Variants in KLC3 observed in about 807,000 individuals in gnomAD.
KLC3 encodes the protein kinesin light chain 3.
In KLC3, 72 loss-of-function variants were observed where a neutral mutation model predicts 62.9. The ratio of observed to expected loss-of-function variants is 1.15; its 90% CI spans 0.95 to 1.39. The LOEUF (loss-of-function observed/expected upper bound fraction) is 1.39, where lower values mean the gene tolerates loss of function less well. Among genes scored for constraint, KLC3 ranks in the 40% most tolerant of loss-of-function variants. The pLI is 0.00. For synonymous variants in KLC3, 377 were observed against 300.5 expected (o/e 1.25, Z -2.63); for missense variants, 848 against 691.6 (o/e 1.23, Z -2.54).
intron 8 of KLC3, 178 bp from the exon 9 acceptor site, chr19:45,350,163 T>C (rs926353079): frequency 5.0e-6 from 3 of 605,472 alleles, no homozygotes; most frequent in Non-Finnish European, 8.7e-6. Flanking sequence ...GGTTCACGCT[T>C]GTAACCCCAA....
intron 12 of KLC3, 56 bp from the exon 13 acceptor site, chr19:45,351,219 AGCTGGAGGGTG>A: frequency 6.3e-7 from 1 of 1,591,514 alleles, no homozygotes; most frequent in Non-Finnish European, 8.6e-7. Context: ...CTGGACCTGG[AGCTGGAGGGTG>A]GATGTAACAC....
chr19:45,346,464 T>C (rs1281708329), intron 2 of KLC3, 80 bp from the exon 3 acceptor site: 8 of 1,234,000 alleles, frequency 6.5e-6, no homozygotes, highest in South Asian at 6.0e-5. Context: ...TGCTACGGCC[T>C]GACTCGAGGC....
rs1019369820 is a variant in KLC3, at chr19:45,346,757, C to T, written c.472C>T (p.Pro158Ser). The T allele has an allele frequency of 4.4e-6, 7 of 1,582,668 alleles. No individual in the cohort carries two copies. The highest frequency in any genetic ancestry group is 6.0e-6 in the Non-Finnish European group (7 of 1,165,426). Reference protein sequence around the residue: ...EFLGQLRQYDPPAESQQSESP... With the variant: ...EFLGQLRQYDSPAESQQSESP... Reference sequence around the variant, plus strand: ...CCTGGGGCAGCTGCGACAGTACGACCCACCGGCGGAGAGCCAGGTGCCACG... The same window carrying T: ...CCTGGGGCAGCTGCGACAGTACGACTCACCGGCGGAGAGCCAGGTGCCACG... Residue 158 changes from proline (P) to serine (S), a missense_variant, in exon 3 of 13, where the codon CCA (proline) becomes TCA (serine). Pro to Ser is a moderately conservative substitution (Grantham distance 74). Coordinates refer to ENST00000391946, the MANE Select transcript of KLC3 (RefSeq NM_177417.3).
At chr19:45,346,826 C>G in intron 3 of KLC3, 52 bp downstream of exon 3, 1 of 1,470,438 alleles carries the variant, frequency 6.8e-7, no homozygotes, top group Non-Finnish European at 9.2e-7. Flanking sequence ...TAGAGCCCCA[C>G]AGTCCCCCAG....
chr19:45,349,551 G>A lies in KLC3; in HGVS notation c.1092G>A (p.Glu364=), dbSNP rs1340915120. The part of the protein sequence containing the change: ...RHYARALSIY[E]ALGGPHDPNV... ...ATGCCCGGGCCCTGAGCATCTATGA[G>A]GCACTGGGCGGGCCCCATGACCCCA... Residue 364 remains glutamate, a synonymous_variant, in exon 8 of 13, where the codon GAG becomes GAA. Coordinates refer to ENST00000391946, the MANE Select transcript of KLC3 (RefSeq NM_177417.3). 3.7e-6 allele frequency: 6 copies of A among 1,613,922 alleles called. No individual in the cohort carries two copies. The highest frequency in any genetic ancestry group is 5.1e-6 in the Non-Finnish European group (6 of 1,179,922).
rs778458894 is a variant in KLC3, at chr19:45,345,748, G to A, written c.207G>A (p.Gln69=). ...TGGAGATGCTGGAGGAAAAGCAGCA[G>A]GTGGTGAGCCACTCGCTGGAGGCCA... is the stretch of plus-strand genomic sequence containing the variant. ...AGLEMLEEKQ[Q]VVSHSLEAIE... is the part of the protein sequence containing the mutation. Residue 69 remains glutamine, a synonymous_variant, in exon 2 of 13, where the codon CAG becomes CAA. Coordinates refer to ENST00000391946, the MANE Select transcript of KLC3 (RefSeq NM_177417.3). 10 of 1,556,760 alleles carry A rather than the reference G, an allele frequency of 6.4e-6. No homozygotes were observed. The African/African-American group carries it at 1.4e-4, about 21-fold the overall frequency.
Position 45,350,983 on chromosome 19 carries a change from T to A in KLC3, c.1409T>A (p.Leu470Gln). Residue 470 changes from leucine to glutamine, a missense_variant, in exon 12 of 13, where the codon CTG (leucine) becomes CAG (glutamine). Coordinates refer to ENST00000391946, the MANE Select transcript of KLC3 (RefSeq NM_177417.3). ...AAGAGAGCCATGTCACTCAACACACTGAACGTGGATGCTCCAAGGGCTCCT... is the reference window on the plus strand; with the variant it reads ...AAGAGAGCCATGTCACTCAACACACAGAACGTGGATGCTCCAAGGGCTCCT... ...GMKRAMSLNT[L>Q]NVDAPRAPGT... 6.2e-7 allele frequency: 1 copy of A among 1,614,050 alleles called. No homozygotes were observed. The highest frequency in any genetic ancestry group is 8.5e-7 in the Non-Finnish European group (1 of 1,179,998).
chr19:45,341,578 T>TGTGTGTGCGCGCGCGCGCGC, intron 1 of KLC3, among the ~76,000 whole-genome samples: 1,461 of 139,652 alleles, frequency 0.01, 30 homozygotes, highest in Non-Finnish European at 0.018. Context: ...TGTGTGTGTG[T>TGTGTGTGCGCGCGCGCGCGC]GCGCGCGCGC....
chr19:45,347,417 C>A, intron 3 of KLC3, 30 bp from the exon 4 acceptor site: 1 of 1,585,642 alleles, frequency 6.3e-7, no homozygotes, highest in Non-Finnish European at 8.6e-7. Flanking sequence ...GCCCCCACCA[C>A]CCCGGCCCCC....
Position 45,351,268 on chromosome 19 carries a change from C to A in KLC3, c.1444-18C>A, listed in dbSNP as rs1454610319. On this transcript the variant is annotated intron_variant, in intron 12 of 12. Coordinates refer to ENST00000391946, the MANE Select transcript of KLC3 (RefSeq NM_177417.3). ...GCCCCTCACCTCCCCTCCAACCATCCCCTGTGCCTGTCTCCAGTTTCCCAG... is the reference window on the plus strand; with the variant it reads ...GCCCCTCACCTCCCCTCCAACCATCACCTGTGCCTGTCTCCAGTTTCCCAG... 1 of 1,611,492 alleles carries A rather than the reference C, an allele frequency of 6.2e-7. No individual in the cohort carries two copies. The highest frequency in any genetic ancestry group is 1.7e-5 in the Admixed American group (1 of 59,906).
At chr19:45,346,863 A>C (rs1332796792) in intron 3 of KLC3, 89 bp downstream of exon 3, 10 of 1,234,424 alleles carry the variant, frequency 8.1e-6, no homozygotes, top group South Asian at 2.8e-5. Flanking sequence ...CACAGTCCCC[A>C]AGATCCTCCT....
intron 2 of KLC3, among the ~76,000 whole-genome samples, 174 bp from the exon 3 acceptor site, chr19:45,346,368 AGG>A (rs969122664): frequency 2.6e-5 from 4 of 152,148 alleles, no homozygotes; most frequent in African/African-American, 9.6e-5. Context: ...GTAAAATCAG[AGG>A]GGCCCCTGGG....
chr19:45,347,356 AC>A lies in KLC3; in HGVS notation c.490-90del, dbSNP rs377514808. 1,306 of 935,830 alleles carry A rather than the reference AC, an allele frequency of 1.4e-3. 3 individuals carry two copies. Among genetic ancestry groups the A allele is most frequent in the African/African-American group, 8.3e-3 (481 of 57,700 alleles). The allele number at this position is 935,830 out of a possible 1,614,324, so 58.0% of individuals were successfully genotyped here. A position where few individuals can be genotyped will look rare whatever the true frequency, so the allele number is the denominator to read the frequency against. On this transcript the variant is annotated intron_variant, in intron 3 of 12. Coordinates refer to ENST00000391946, the MANE Select transcript of KLC3 (RefSeq NM_177417.3). ...ACTCCGTCTCAAAAAAAAAAAAAAA[AC>A]AAAAAAACAAAAACCTGAGATAGAG...
Position 45,350,730 on chromosome 19 carries a change from G to A in KLC3, c.1362G>A (p.Ala454=), listed in dbSNP as rs370566239. 8.4e-5 allele frequency: 135 copies of A among 1,612,296 alleles called. 1 individual carries two copies. The highest frequency in any genetic ancestry group is 1.7e-4 in the Middle Eastern group (1 of 6,032). ...EKLVSRLRGE[A]AAGAAGMKRA... Reference sequence around the variant, plus strand: ...TGGTCTCCCGGCTCCGAGGCGAGGCGGCGGCAGGAGCAGCCGGGTGAGTGT... The same window carrying A: ...TGGTCTCCCGGCTCCGAGGCGAGGCAGCGGCAGGAGCAGCCGGGTGAGTGT... The change falls in exon 11 of 13, where the codon GCG becomes GCA. Residue 454 remains alanine, a synonymous_variant. Transcript: ENST00000391946.
At position 45,350,966 on chromosome 19, in the gene KLC3, C is replaced by T. The variant is rs751952531; in HGVS notation, c.1392C>T (p.Ala464=). The T allele has an allele frequency of 7.4e-6, 12 of 1,614,000 alleles. No individual in the cohort carries two copies. The highest frequency in any genetic ancestry group is 2.7e-5 in the African/African-American group (2 of 74,888). Residue 464 remains alanine (A), a synonymous_variant, in exon 12 of 13, where the codon GCC becomes GCT. Transcript: ENST00000391946. ...AAAGAAGMKR[A]MSLNTLNVDA... ...GCCCTCTTTGCAGAATGAAGAGAGCCATGTCACTCAACACACTGAACGTGG... is the reference window on the plus strand; with the variant it reads ...GCCCTCTTTGCAGAATGAAGAGAGCTATGTCACTCAACACACTGAACGTGG...
chr19:45,345,456 C>A (rs1218944619), intron 1 of KLC3, 78 bp from the exon 2 acceptor site: 1 of 1,538,372 alleles, frequency 6.5e-7, no homozygotes, highest in Non-Finnish European at 8.8e-7. Context: ...TCCTGATGGC[C>A]ATTATGGGAA....
rs759780456 is a variant in KLC3 at position 45,349,417 on chromosome 19, C to T, written c.970-12C>T. 1.3e-6 allele frequency: 2 copies of T among 1,595,326 alleles called. No homozygotes were observed. Among genetic ancestry groups the T allele is most frequent in the African/African-American group, 1.3e-5 (1 of 74,668 alleles). ...TGTATGATCCCTCTGACTTGTGACC[C>T]CTGGCCCCCAGGTCCTGGGTGCTGA... On this transcript the variant is annotated splice_polypyrimidine_tract_variant and intron_variant, in intron 7 of 12. Transcript: ENST00000391946.
At chr19:45,345,063 G>A (rs571308984) in intron 1 of KLC3, 126 of 140,314 alleles carry the variant, frequency 9.0e-4, no homozygotes, top group Admixed American at 1.1e-3. Context: ...ATGAGCTCAC[G>A]CAGAGGCTGC....
In KLC3 at chr19:45,349,696, TGG is replaced by T. The variant is rs1555774260; in HGVS notation, c.1143+102_1143+103del. 1,339 of 693,450 alleles carry T rather than the reference TGG, an allele frequency of 1.9e-3. 33 individuals carry two copies. The highest frequency in any genetic ancestry group is 0.018 in the African/African-American group (996 of 55,056). 43.0% of individuals were successfully genotyped at this position (693,450 alleles called of 1,614,324 possible). A position where few individuals can be genotyped will look rare whatever the true frequency, so the allele number is the denominator to read the frequency against. On this transcript the variant is annotated intron_variant, in intron 8 of 12. Coordinates refer to ENST00000391946, the MANE Select transcript of KLC3 (RefSeq NM_177417.3). ...GGATACAGGGTGAGCAACGTGAGGGTGGGGGGGGGCCCCCCAGGCCGGGCCCT... is the reference window on the plus strand; with the variant it reads ...GGATACAGGGTGAGCAACGTGAGGGTGGGGGGGCCCCCCAGGCCGGGCCCT...
Sources: allele counts gnomAD v4.1 joint callset (sites outside exome capture counted in the v4.1 genomes callset), GRCh38; gene constraint gnomAD v4.1.1; transcripts MANE v1.5; gene names NCBI Gene and HGNC (gene_info 2026-07-23, HGNC 2026-07-21).